Variants in FER observed in about 807,000 individuals in gnomAD.
FER encodes tyrosine-protein kinase Fer.
Under a neutral mutation model 111.0 loss-of-function variants are expected in FER, and 63 were observed. That is an observed-to-expected ratio of 0.57 (90% CI 0.46 to 0.70). FER has a LOEUF of 0.70. Among genes scored for constraint, FER ranks in the 30% least tolerant of loss-of-function variants. The pLI is 0.00. For synonymous variants in FER, 327 were observed against 313.9 expected (o/e 1.04, Z -0.44); for missense variants, 914 against 954.0 (o/e 0.96, Z 0.55).
intron 16 of FER, among the ~76,000 whole-genome samples, chr5:109,080,293 TG>T (rs1282591947): frequency 2.0e-5 from 3 of 152,092 alleles, no homozygotes; most frequent in Non-Finnish European, 4.4e-5. Flanking sequence ...TTGCACATAG[TG>T]TTGTGCAAAG....
At chr5:108,986,611 TTGATTTTGGTA>T (rs768230926) in intron 13 of FER, among the ~76,000 whole-genome samples, 36 of 152,188 alleles carry the variant, frequency 2.4e-4, no homozygotes, top group Non-Finnish European at 4.6e-4. Flanking sequence ...CCATCTTGAG[TTGATTTTGGTA>T]TAAGGTGAGA....
chr5:108,896,949 C>G (rs145224845), intron 9 of FER, among the ~76,000 whole-genome samples: 2,109 of 152,278 alleles, frequency 0.014, 27 homozygotes, highest in Middle Eastern at 0.051. Context: ...CCACCACTAC[C>G]TGTTTACACG....
At chr5:109,044,854 T>A in intron 15 of FER, 59 bp downstream of exon 15, 1 of 921,414 alleles carries the variant, frequency 1.1e-6, no homozygotes, top group Non-Finnish European at 1.6e-6. Context: ...TATTAAAATG[T>A]AAGTTTGAAG....
At chr5:109,165,761 T>A (rs982795680) in intron 17 of FER, among the ~76,000 whole-genome samples, 30 of 152,150 alleles carry the variant, frequency 2.0e-4, no homozygotes, top group African/African-American at 6.8e-4. Flanking sequence ...ATATGTAACA[T>A]ACATCCCATG....
At chr5:109,023,583 C>T (rs202149769) in intron 13 of FER, among the ~76,000 whole-genome samples, 1 of 152,068 alleles carries the variant, frequency 6.6e-6, no homozygotes, top group Non-Finnish European at 1.5e-5. Flanking sequence ...GCTTAAATGC[C>T]AATCTATCTA....
chr5:108,909,567 A>G (rs964866610), intron 10 of FER, among the ~76,000 whole-genome samples: 5 of 152,262 alleles, frequency 3.3e-5, no homozygotes, highest in African/African-American at 7.2e-5. Flanking sequence ...ACTATATGGT[A>G]TATGTTGTCA....
chr5:108,903,282 T>A (rs1750297308), intron 10 of FER, among the ~76,000 whole-genome samples: 2 of 152,220 alleles, frequency 1.3e-5, no homozygotes, highest in Non-Finnish European at 2.9e-5. Context: ...TCTCTGCACA[T>A]GTTACTTAGT....
At chr5:109,066,774 C>T (rs1386499162) in intron 16 of FER, among the ~76,000 whole-genome samples, 1 of 152,070 alleles carries the variant, frequency 6.6e-6, no homozygotes, top group Non-Finnish European at 1.5e-5. Flanking sequence ...CAGCTTTGTT[C>T]CATACAAAAT....
At chr5:109,114,057 G>A (rs1389070079) in intron 17 of FER, among the ~76,000 whole-genome samples, 1 of 152,070 alleles carries the variant, frequency 6.6e-6, no homozygotes, top group East Asian at 1.9e-4. Context: ...GTGCTAAAGT[G>A]ACATTCTTAG....
intron 17 of FER, among the ~76,000 whole-genome samples, chr5:109,178,840 A>G (rs1757986083): frequency 6.6e-6 from 1 of 152,192 alleles, no homozygotes; most frequent in Non-Finnish European, 1.5e-5. Context: ...TCTACAACAC[A>G]TCAGCCAGAA....
intron 17 of FER, among the ~76,000 whole-genome samples, chr5:109,162,172 A>G (rs931439806): frequency 2.6e-5 from 4 of 152,118 alleles, no homozygotes; most frequent in African/African-American, 9.7e-5. Flanking sequence ...TTTACTCTCA[A>G]GTCATTTTTG....
intron 16 of FER, among the ~76,000 whole-genome samples, chr5:109,098,886 T>C (rs1393345444): frequency 6.6e-6 from 1 of 151,654 alleles, no homozygotes; most frequent in African/African-American, 2.4e-5. Flanking sequence ...AATCTGTGAA[T>C]AAGAGAAAAG....
At chr5:109,103,606 A>C (rs1364199689) in intron 17 of FER, among the ~76,000 whole-genome samples, 1 of 152,130 alleles carries the variant, frequency 6.6e-6, no homozygotes, top group Non-Finnish European at 1.5e-5. Context: ...GTATAGTTGG[A>C]ATTTTGGGTT....
At chr5:108,953,848 ACTCT>A (rs1239058841) in intron 11 of FER, among the ~76,000 whole-genome samples, 4 of 152,172 alleles carry the variant, frequency 2.6e-5, no homozygotes, top group East Asian at 3.9e-4. Flanking sequence ...ACCGCAAAGT[ACTCT>A]CTCTATCTGG....
intron 17 of FER, among the ~76,000 whole-genome samples, chr5:109,171,743 T>C (rs1451244088): frequency 1.3e-5 from 2 of 152,178 alleles, no homozygotes; most frequent in African/African-American, 2.4e-5. Context: ...GTAGACGCTA[T>C]TGCCATCAAT....
intron 17 of FER, among the ~76,000 whole-genome samples, chr5:109,146,253 AATATATATATATATATATATATATATAT>A (rs6149172): frequency 2.4e-5 from 1 of 42,130 alleles, no homozygotes; most frequent in African/African-American, 9.1e-5. Context: ...TAATCTATCT[AATATATATATATATATATATATATATAT>A]ATATATATAT....
intron 2 of FER, among the ~76,000 whole-genome samples, chr5:108,787,673 AT>A (rs1754894347): frequency 6.6e-6 from 1 of 152,196 alleles, no homozygotes; most frequent in Non-Finnish European, 1.5e-5. Context: ...ATTAATCCAG[AT>A]GACCTGCTTG....
At chr5:108,980,074 GT>G (rs1384084725) in intron 13 of FER, among the ~76,000 whole-genome samples, 1 of 152,064 alleles carries the variant, frequency 6.6e-6, no homozygotes, top group African/African-American at 2.4e-5. Context: ...CCCATACTGA[GT>G]AATCAATTGT....
intron 5 of FER, among the ~76,000 whole-genome samples, chr5:108,850,073 T>G (rs1762406809): frequency 6.6e-6 from 1 of 151,874 alleles, no homozygotes; most frequent in African/African-American, 2.4e-5. Context: ...TGCGCGCCTG[T>G]AGTCCTAGCC....
Sources: allele counts gnomAD v4.1 joint callset (sites outside exome capture counted in the v4.1 genomes callset), GRCh38; gene constraint gnomAD v4.1.1; transcripts MANE v1.5; gene names NCBI Gene and HGNC (gene_info 2026-07-23, HGNC 2026-07-21).